The following CLNK variants were observed in gnomAD, a reference collection of about 807,000 sequenced individuals.
The protein encoded by CLNK is cytokine dependent hematopoietic cell linker, also known as cytokine-dependent hematopoietic cell linker.
A neutral mutation model predicts 68.6 loss-of-function variants in CLNK; 74 were observed. The observed-to-expected ratio is 1.08, with a 90% confidence interval of 0.89 to 1.31. The LOEUF is 1.31. Ranked by LOEUF, CLNK falls within the 50% of genes most tolerant of loss-of-function variation. The probability of loss-of-function intolerance (pLI) is 0.00; values close to 1 mark genes in which losing one functional copy is unlikely to be tolerated. For missense variants in CLNK, 553 were observed against 515.3 expected (o/e 1.07, Z -0.71); for synonymous variants, 198 against 172.2 (o/e 1.15, Z -1.17).
chr4:10,532,585 T>C (rs1311857414), intron 11 of CLNK, among the ~76,000 whole-genome samples: 6 of 152,234 alleles, frequency 3.9e-5, no homozygotes, highest in Non-Finnish European at 2.9e-5. Context: ...TTTGATTTCC[T>C]ACGTCAAGTT....
chr4:10,725,188 G>A, the CLNK span, among the ~76,000 whole-genome samples: 1 of 151,978 alleles, frequency 6.6e-6, no homozygotes, highest in African/African-American at 2.4e-5. Flanking sequence ...ACTGTAGCCC[G>A]CGGGGTGAGA....
intron 15 of CLNK, among the ~76,000 whole-genome samples, chr4:10,520,450 C>T (rs901256634): frequency 2.0e-5 from 3 of 152,142 alleles, no homozygotes; most frequent in East Asian, 1.9e-4. Context: ...ATGTCTACTT[C>T]GGAAAACACA....
intron 8 of CLNK, among the ~76,000 whole-genome samples, chr4:10,554,852 G>A (rs1240498990): frequency 6.6e-6 from 1 of 152,164 alleles, no homozygotes; most frequent in Non-Finnish European, 1.5e-5. Flanking sequence ...CTGGCACTGC[G>A]CTTTGTATAG....
intron 2 of CLNK, among the ~76,000 whole-genome samples, chr4:10,652,166 A>G (rs1723769109): frequency 6.6e-6 from 1 of 151,996 alleles, no homozygotes; most frequent in Non-Finnish European, 1.5e-5. Flanking sequence ...GGATCACCTG[A>G]GGTTAGGAGT....
chr4:10,610,866 C>T (rs1304599839), intron 2 of CLNK, among the ~76,000 whole-genome samples: 2 of 151,550 alleles, frequency 1.3e-5, no homozygotes, highest in African/African-American at 4.9e-5. Flanking sequence ...GGTAAGTAGA[C>T]ACCCCATAAA....
At chr4:10,699,243 T>TATGTGTGTATACACACAC in the CLNK span, among the ~76,000 whole-genome samples, 1 of 54,776 alleles carries the variant, frequency 1.8e-5, no homozygotes, top group Non-Finnish European at 4.1e-5. Flanking sequence ...TACACACACA[T>TATGTGTGTATACACACAC]ACACACCACG....
the CLNK span, among the ~76,000 whole-genome samples, chr4:10,720,731 TCA>T: frequency 7.5e-6 from 1 of 133,322 alleles, no homozygotes; most frequent in Non-Finnish European, 1.7e-5. Flanking sequence ...TGAAAATGGA[TCA>T]CACATACATT....
At chr4:10,645,848 T>G (rs918799921) in intron 2 of CLNK, among the ~76,000 whole-genome samples, 1 of 152,156 alleles carries the variant, frequency 6.6e-6, no homozygotes, top group African/African-American at 2.4e-5. Context: ...TAATGCTCCC[T>G]ACACAAAGAA....
rs191002963 is a variant in CLNK, at chr4:10,487,523, G to T, written c.*2944C>A. 6 of 152,306 alleles carry T rather than the reference G, an allele frequency of 3.9e-5. No homozygotes were observed. Among genetic ancestry groups the T allele is most frequent in the Admixed American group, 1.3e-4 (2 of 15,296 alleles). The allele number at this position is 152,306 out of a possible 1,614,324, so 9.4% of individuals were successfully genotyped here. On this transcript the variant is annotated 3_prime_UTR_variant, in exon 19 of 19. Coordinates refer to ENST00000226951, the MANE Select transcript of CLNK (RefSeq NM_052964.4). ...CAGGATGTTGCTGTGGCAGGCCAGA[G>T]GTGGGTCTCTTGAGTCTCCATTGAA...
At chr4:10,589,839 T>C (rs1721120047) in intron 3 of CLNK, among the ~76,000 whole-genome samples, 1 of 152,228 alleles carries the variant, frequency 6.6e-6, no homozygotes, top group African/African-American at 2.4e-5. Context: ...TTTGATGTAC[T>C]CTATCTGTGC....
chr4:10,616,126 G>T (rs185658209), intron 2 of CLNK, among the ~76,000 whole-genome samples: 1 of 152,076 alleles, frequency 6.6e-6, no homozygotes, highest in Non-Finnish European at 1.5e-5. Context: ...ACTACATTTC[G>T]CGATTACCTA....
At chr4:10,615,316 C>T (rs992445925) in intron 2 of CLNK, among the ~76,000 whole-genome samples, 4 of 152,142 alleles carry the variant, frequency 2.6e-5, no homozygotes, top group Non-Finnish European at 4.4e-5. Context: ...CCTGTCTCTA[C>T]TAAAAAATAC....
intron 2 of CLNK, among the ~76,000 whole-genome samples, chr4:10,646,641 C>T (rs1332219485): frequency 6.6e-6 from 1 of 151,950 alleles, no homozygotes; most frequent in Non-Finnish European, 1.5e-5. Flanking sequence ...GACGTCCCAG[C>T]CACACTGCAA....
Position 10,566,129 on chromosome 4 carries a change from G to T in CLNK, c.172C>A (p.Leu58Met). 6.2e-7 allele frequency: 1 copy of T among 1,613,702 alleles called. No homozygotes were observed. The highest frequency in any genetic ancestry group is 8.5e-7 in the Non-Finnish European group (1 of 1,179,754). The change falls in exon 6 of 19, where the codon CTG becomes ATG. Residue 58 changes from leucine to methionine, a missense_variant. Leu to Met is a conservative substitution (Grantham distance 15). Transcript: ENST00000226951. The stretch of plus-strand genomic sequence containing the variant: ...TCACTGTGGCCTTTTGCTCCATCCA[G>T]GACTGCAGCAAAGTTTCTTTCCTAA... ...LDWERNFAAV[L>M]DGAKGHSDDD...
chr4:10,660,069 TG>T (rs1160950910), intron 2 of CLNK, among the ~76,000 whole-genome samples: 2 of 152,242 alleles, frequency 1.3e-5, no homozygotes, highest in African/African-American at 2.4e-5. Flanking sequence ...TTTCTCTGTA[TG>T]TTTTTATAAT....
chr4:10,628,687 C>T (rs1327618216), intron 2 of CLNK, among the ~76,000 whole-genome samples: 1 of 152,184 alleles, frequency 6.6e-6, no homozygotes, highest in Non-Finnish European at 1.5e-5. Flanking sequence ...TGTTGGGGCT[C>T]AGAAACCGAT....
At chr4:10,494,210 A>G (rs1246957988) in intron 18 of CLNK, among the ~76,000 whole-genome samples, 4 of 152,268 alleles carry the variant, frequency 2.6e-5, no homozygotes, top group Non-Finnish European at 1.5e-5. Flanking sequence ...AAAACTTTTT[A>G]TGCAGAACTC....
the CLNK span, among the ~76,000 whole-genome samples, chr4:10,705,746 A>T: frequency 6.6e-6 from 1 of 152,208 alleles, no homozygotes; most frequent in Non-Finnish European, 1.5e-5. Context: ...CTGCAACCTT[A>T]ATTCTCTTTT....
the CLNK span, among the ~76,000 whole-genome samples, chr4:10,700,008 G>GTGTGTGTGTA: frequency 1.4e-4 from 21 of 151,560 alleles, no homozygotes; most frequent in African/African-American, 5.1e-4. Flanking sequence ...GTGCATATGT[G>GTGTGTGTGTA]TGTGTGTGTG....
Sources: allele counts gnomAD v4.1 joint callset (sites outside exome capture counted in the v4.1 genomes callset), GRCh38; gene constraint gnomAD v4.1.1; transcripts MANE v1.5; gene names NCBI Gene and HGNC (gene_info 2026-07-23, HGNC 2026-07-21).